ECE1: variants seen among roughly 807,000 people sequenced by gnomAD.
ECE1 encodes endothelin-converting enzyme 1.
Under a neutral mutation model 98.6 loss-of-function variants are expected in ECE1, and 35 were observed. The ratio of observed to expected loss-of-function variants is 0.35; its 90% CI spans 0.27 to 0.47. The LOEUF is 0.47. Among genes scored for constraint, ECE1 ranks in the 20% least tolerant of loss-of-function variants. ECE1 has a pLI of 1.00. For missense variants in ECE1, 814 were observed against 1,025.3 expected (o/e 0.79, Z 2.81); for synonymous variants, 394 against 407.1 (o/e 0.97, Z 0.39).
At position 21,219,585 on chromosome 1, in the gene ECE1, G is replaced by A. The variant is rs956443573; in HGVS notation, c.*370C>T. 3 of 253,996 alleles carry A rather than the reference G, an allele frequency of 1.2e-5. No individual in the cohort carries two copies. Among genetic ancestry groups the A allele is most frequent in the African/African-American group, 2.2e-5 (1 of 46,058 alleles). 15.7% of individuals were successfully genotyped at this position (253,996 alleles called of 1,614,324 possible). A position where few individuals can be genotyped will look rare whatever the true frequency, so the allele number is the denominator to read the frequency against. ...GTGTTTTTCCCTGAAGATTTCCAGT[G>A]TATTCCACAGTGTTTAAAAAATAGT... On this transcript the variant is annotated 3_prime_UTR_variant, in exon 19 of 19. Coordinates refer to ENST00000374893, the MANE Select transcript of ECE1 (RefSeq NM_001397.3). This position sits in a 1 kb window ranked among gnomAD's most constrained non-coding sequence, Gnocchi z 4.5.
At chr1:21,294,780 T>C (rs1175269738), upstream of ECE1, among the ~76,000 whole-genome samples, 2 of 152,100 alleles carry the variant, frequency 1.3e-5, no homozygotes, top group Admixed American at 6.5e-5. This position sits in a 1 kb window ranked among gnomAD's most constrained non-coding sequence, Gnocchi z 4.2. Flanking sequence ...CTTGGGGTGA[T>C]GAGGTGGAAA....
rs1191229868 is a variant in ECE1, at chr1:21,236,010, C to G, written c.1489-83G>C. 4 of 1,343,380 alleles carry G rather than the reference C, an allele frequency of 3.0e-6. No homozygotes were observed. The Admixed American group carries it at 6.7e-5, about 23-fold the overall frequency. 83.2% of individuals were successfully genotyped at this position (1,343,380 alleles called of 1,614,324 possible). On this transcript the variant is annotated intron_variant, in intron 12 of 18. Coordinates refer to ENST00000374893, the MANE Select transcript of ECE1 (RefSeq NM_001397.3). ...GCAACTTGGGTGCTGGGCTCATAGTCTGGGCCAAGGGGAACCAGAGCCAGG... is the reference window on the plus strand; with the variant it reads ...GCAACTTGGGTGCTGGGCTCATAGTGTGGGCCAAGGGGAACCAGAGCCAGG...
chr1:21,238,821 T>C (rs1249407252), intron 10 of ECE1, among the ~76,000 whole-genome samples: 1 of 152,054 alleles, frequency 6.6e-6, no homozygotes, highest in South Asian at 2.1e-4. Flanking sequence ...TTTTCTTTTT[T>C]TCTTTTTTTT....
Position 21,256,209 on chromosome 1 carries a change from GC to G in ECE1, c.829-72del, listed in dbSNP as rs1052022890. 7.4e-5 allele frequency: 112 copies of G among 1,515,362 alleles called. 1 individual carries two copies. In the African/African-American group the frequency reaches 1.3e-3, roughly 17 times the overall value. 93.9% of individuals were successfully genotyped at this position (1,515,362 alleles called of 1,614,324 possible). A position where few individuals can be genotyped will look rare whatever the true frequency, so the allele number is the denominator to read the frequency against. On this transcript the variant is annotated intron_variant, in intron 7 of 18. Transcript: ENST00000374893. ...TCCACTGGACGAGAGTTGGTGGGGG[GC>G]TTGGCCAGCCAAGTCCGGCACAGGG...
chr1:21,318,026 C>A (rs564003706), intron 1 of ECE1, among the ~76,000 whole-genome samples: 2 of 152,350 alleles, frequency 1.3e-5, no homozygotes, highest in South Asian at 4.1e-4. Flanking sequence ...CCAAGGTGCA[C>A]CTTGAAGGTA....
chr1:21,290,237 G>A lies in ECE1; in HGVS notation c.52-81C>T. The A allele has an allele frequency of 7.2e-7, 1 of 1,394,328 alleles. No individual in the cohort carries two copies. The highest frequency in any genetic ancestry group is 1.6e-5 in the South Asian group (1 of 63,560). The allele number at this position is 1,394,328 out of a possible 1,614,324, so 86.4% of individuals were successfully genotyped here. A position where few individuals can be genotyped will look rare whatever the true frequency, so the allele number is the denominator to read the frequency against. On this transcript the variant is annotated intron_variant, in intron 1 of 18. Transcript: ENST00000374893. The surrounding 1 kb of genome is among the most constrained non-coding windows in gnomAD (Gnocchi z 7.3). ...GAATGGGGAAGCGGCCCCGACCCTG[G>A]CGCCGCCGCCGCCGCGCCCCGCCCC...
At chr1:21,262,468 C>T (rs898740972) in intron 4 of ECE1, among the ~76,000 whole-genome samples, 3 of 152,226 alleles carry the variant, frequency 2.0e-5, no homozygotes, top group Non-Finnish European at 4.4e-5. Context: ...GCAGGAGAAT[C>T]GTCATTGCTC....
chr1:21,259,987 A>C (rs1158197424), intron 5 of ECE1, among the ~76,000 whole-genome samples: 1 of 152,248 alleles, frequency 6.6e-6, no homozygotes, highest in Non-Finnish European at 1.5e-5. Flanking sequence ...TCCCACACAC[A>C]GATGCACAGA....
intron 10 of ECE1, among the ~76,000 whole-genome samples, chr1:21,239,939 G>T (rs973526538): frequency 6.6e-6 from 1 of 152,190 alleles, no homozygotes; most frequent in African/African-American, 2.4e-5. Flanking sequence ...GGGAGGCCGA[G>T]GCAAGTGGAT....
intron 8 of ECE1, among the ~76,000 whole-genome samples, chr1:21,250,729 CG>C (rs1218394554): frequency 6.6e-6 from 1 of 152,202 alleles, no homozygotes; most frequent in Non-Finnish European, 1.5e-5. Context: ...ATGCTGAGGC[CG>C]GGCGCGGTGG....
At chr1:21,323,511 C>T (rs1442953602) in intron 1 of ECE1, among the ~76,000 whole-genome samples, 2 of 152,172 alleles carry the variant, frequency 1.3e-5, no homozygotes, top group African/African-American at 4.8e-5. Flanking sequence ...GTAACCCCAG[C>T]ACTTTGGAAG....
Position 21,259,770 on chromosome 1 carries a change from A to T in ECE1, c.615+501T>A, listed in dbSNP as rs368368905. ...AGTCTGGGAAGTGCCCAAGAAAGCA[A>T]GAAAGATGTCTTCCCCTGCTCAGGA... On this transcript the variant is annotated intron_variant, in intron 5 of 18. Transcript: ENST00000374893. 2.6e-4 allele frequency among the ~76,000 whole-genome samples: 40 copies of T among 152,304 alleles called. No individual in the cohort carries two copies. In the East Asian group the frequency reaches 4.6e-3, roughly 18 times the overall value.
intron 10 of ECE1, 23 bp from the exon 11 acceptor site, chr1:21,238,267 C>T: frequency 6.3e-7 from 1 of 1,586,994 alleles, no homozygotes; most frequent in South Asian, 1.1e-5. Flanking sequence ...AGTCAGGGGG[C>T]TCGCTGGGCC....
chr1:21,245,588 C>T (rs1342056212), intron 9 of ECE1, among the ~76,000 whole-genome samples: 1 of 152,210 alleles, frequency 6.6e-6, no homozygotes, highest in Non-Finnish European at 1.5e-5. Flanking sequence ...GCCCCACCTG[C>T]AGGGCACAGG....
Position 21,256,154 on chromosome 1 carries a change from C to T in ECE1, c.829-16G>A. ...CGGTCAGCACCTGCAGGGCCCATAC[C>T]CCAAACTGTCAGTGGCTGCCCCCCC... On this transcript the variant is annotated splice_polypyrimidine_tract_variant and intron_variant, in intron 7 of 18. Coordinates refer to ENST00000374893, the MANE Select transcript of ECE1 (RefSeq NM_001397.3). The T allele has an allele frequency of 6.3e-7, 1 of 1,591,892 alleles. No individual in the cohort carries two copies.
intron 17 of ECE1, among the ~76,000 whole-genome samples, chr1:21,224,295 C>A (rs2098171055): frequency 6.6e-6 from 1 of 152,176 alleles, no homozygotes. Flanking sequence ...ATATTCGTCA[C>A]CTTTTCAATA....
intron 1 of ECE1, among the ~76,000 whole-genome samples, chr1:21,320,435 ACT>A (rs1253222132): frequency 2.0e-5 from 3 of 152,070 alleles, no homozygotes; most frequent in Non-Finnish European, 2.9e-5. Context: ...AAAATTTAAT[ACT>A]GTTTTATGAG....
At chr1:21,276,128 C>T (rs989965150) in intron 3 of ECE1, among the ~76,000 whole-genome samples, 8 of 147,510 alleles carry the variant, frequency 5.4e-5, no homozygotes, top group Admixed American at 4.9e-4. Flanking sequence ...TGGATTCAAG[C>T]AATTCTCCTG....
At chr1:21,288,085 T>C (rs1368033413) in intron 2 of ECE1, among the ~76,000 whole-genome samples, 1 of 152,192 alleles carries the variant, frequency 6.6e-6, no homozygotes, top group East Asian at 1.9e-4. Context: ...TTTGGGGAAG[T>C]TGTGGCAACA....
Sources: gnomAD v4.1 joint callset for allele counts (sites outside exome capture counted in the v4.1 genomes callset) on GRCh38, gnomAD v4.1.1 for gene constraint, Gnocchi (gnomAD v3.1) non-coding constraint, MANE v1.5 for transcripts, NCBI Gene and HGNC (gene_info 2026-07-23, HGNC 2026-07-21) for gene names.